CFAP299: variants seen among roughly 807,000 people sequenced by gnomAD.
CFAP299 encodes cilia- and flagella-associated protein 299.
In CFAP299, 21 loss-of-function variants were observed where a neutral mutation model predicts 27.0. That is an observed-to-expected ratio of 0.78 (90% confidence interval 0.55 to 1.12). The LOEUF (loss-of-function observed/expected upper bound fraction) is 1.12. Ranked by LOEUF, CFAP299 falls within the 50% of genes most tolerant of loss-of-function variation. The probability of loss-of-function intolerance (pLI) is 0.00; values close to 1 mark genes in which losing one functional copy is unlikely to be tolerated. For missense variants in CFAP299, 310 were observed against 276.6 expected (o/e 1.12, Z -0.86); for synonymous variants, 104 against 98.1 (o/e 1.06, Z -0.36).
At chr4:80,831,514 A>G (rs1307331450) in intron 3 of CFAP299, among the ~76,000 whole-genome samples, 1 of 152,076 alleles carries the variant, frequency 6.6e-6, no homozygotes, top group Non-Finnish European at 1.5e-5. Context: ...TTCTCACAAT[A>G]GGAGGGTAGA....
At chr4:80,767,332 G>T (rs2110081559) in intron 3 of CFAP299, among the ~76,000 whole-genome samples, 1 of 152,202 alleles carries the variant, frequency 6.6e-6, no homozygotes, top group Non-Finnish European at 1.5e-5. Flanking sequence ...GTACTAGGTG[G>T]GGCACGGTGG....
intron 4 of CFAP299, among the ~76,000 whole-genome samples, chr4:80,937,899 G>C (rs936946423): frequency 2.6e-5 from 4 of 151,880 alleles, no homozygotes; most frequent in Admixed American, 6.6e-5. Flanking sequence ...ATCTGCTACT[G>C]GTGTTTTGTT....
intron 2 of CFAP299, among the ~76,000 whole-genome samples, chr4:80,402,155 A>G (rs1278085309): frequency 1.3e-5 from 2 of 152,108 alleles, no homozygotes; most frequent in African/African-American, 4.8e-5. Flanking sequence ...GTCTCAGATG[A>G]GACTTTAGGC....
chr4:80,616,395 T>C (rs1738280622), intron 3 of CFAP299, among the ~76,000 whole-genome samples: 1 of 152,134 alleles, frequency 6.6e-6, no homozygotes, highest in Non-Finnish European at 1.5e-5. Context: ...TTTATATGTG[T>C]AATTTTTATA....
At chr4:80,586,955 C>T (rs994564253) in intron 3 of CFAP299, among the ~76,000 whole-genome samples, 1 of 152,088 alleles carries the variant, frequency 6.6e-6, no homozygotes, top group Non-Finnish European at 1.5e-5. Context: ...CAGAGTCATT[C>T]AAAGAAACCA....
intron 2 of CFAP299, among the ~76,000 whole-genome samples, chr4:80,394,711 T>C (rs1307151728): frequency 6.6e-6 from 1 of 152,154 alleles, no homozygotes; most frequent in Non-Finnish European, 1.5e-5. Context: ...TTCTTGGCAC[T>C]TTCTGCAAGG....
intron 1 of CFAP299, among the ~76,000 whole-genome samples, chr4:80,355,418 C>T (rs754932900): frequency 7.9e-6 from 1 of 126,746 alleles, no homozygotes; most frequent in Admixed American, 1.0e-4. Flanking sequence ...AATGCAGTGG[C>T]GCGATCTCGG....
At chr4:80,461,811 A>G (rs1344109483) in intron 2 of CFAP299, among the ~76,000 whole-genome samples, 1 of 152,096 alleles carries the variant, frequency 6.6e-6, no homozygotes, top group African/African-American at 2.4e-5. Context: ...TTTGCACTTC[A>G]CTATGAACTT....
intron 3 of CFAP299, among the ~76,000 whole-genome samples, chr4:80,828,409 A>C (rs1039541733): frequency 6.6e-6 from 1 of 152,074 alleles, no homozygotes; most frequent in Non-Finnish European, 1.5e-5. Flanking sequence ...ATGATTTTTC[A>C]CAAGAGTACC....
chr4:80,797,684 G>T (rs1482062452), intron 3 of CFAP299, among the ~76,000 whole-genome samples: 2 of 152,098 alleles, frequency 1.3e-5, no homozygotes, highest in Admixed American at 6.6e-5. Context: ...CAATTACAGG[G>T]CTCTTCAAAG....
chr4:80,350,544 C>A (rs1722964154), intron 1 of CFAP299, among the ~76,000 whole-genome samples: 1 of 152,098 alleles, frequency 6.6e-6, no homozygotes, highest in African/African-American at 2.4e-5. Context: ...CAAATGCCAC[C>A]AATGATATAC....
At chr4:80,386,622 C>CCT in intron 2 of CFAP299, 1 of 1,598,250 alleles carries the variant, frequency 6.3e-7, no homozygotes, top group Middle Eastern at 1.7e-4. Context: ...GCACAGCCAG[C>CCT]ATAGCGGAAC....
chr4:80,460,994 G>T (rs1729410249), intron 2 of CFAP299, among the ~76,000 whole-genome samples: 1 of 152,146 alleles, frequency 6.6e-6, no homozygotes. Flanking sequence ...CATGTAAGAT[G>T]TACATTGGTT....
intron 1 of CFAP299, among the ~76,000 whole-genome samples, chr4:80,339,214 G>T (rs1028978289): frequency 8.5e-5 from 13 of 152,168 alleles, no homozygotes; most frequent in African/African-American, 2.9e-4. Context: ...CTTCTTTTAT[G>T]CCAAATGGTG....
At chr4:80,342,436 A>G (rs1722502282) in intron 1 of CFAP299, among the ~76,000 whole-genome samples, 1 of 152,250 alleles carries the variant, frequency 6.6e-6, no homozygotes, top group South Asian at 2.1e-4. Context: ...CAGGTCACCT[A>G]CAAAGGGAAA....
At chr4:80,685,527 T>G (rs1720126848) in intron 3 of CFAP299, among the ~76,000 whole-genome samples, 1 of 151,096 alleles carries the variant, frequency 6.6e-6, no homozygotes, top group African/African-American at 2.4e-5. Context: ...AGTAAAGAGC[T>G]GTTTTTCATT....
chr4:80,824,041 T>C (rs1049834516), intron 3 of CFAP299, among the ~76,000 whole-genome samples: 7 of 152,186 alleles, frequency 4.6e-5, no homozygotes, highest in Non-Finnish European at 5.9e-5. Context: ...CCTCATTTGA[T>C]ATTTATTTGG....
chr4:80,933,548 TATTA>T (rs1736738243), intron 4 of CFAP299, among the ~76,000 whole-genome samples: 2 of 152,154 alleles, frequency 1.3e-5, no homozygotes, highest in Non-Finnish European at 2.9e-5. Flanking sequence ...CATTTTTAAA[TATTA>T]ATTATTCAAA....
intron 3 of CFAP299, among the ~76,000 whole-genome samples, chr4:80,599,835 A>G (rs913982248): frequency 6.6e-6 from 1 of 152,112 alleles, no homozygotes; most frequent in African/African-American, 2.4e-5. Context: ...TGCTTTTGTA[A>G]AGCATGCGAC....
Sources: gnomAD v4.1 joint callset for allele counts (sites outside exome capture counted in the v4.1 genomes callset) on GRCh38, gnomAD v4.1.1 for gene constraint, MANE v1.5 for transcripts, NCBI Gene and HGNC (gene_info 2026-07-23, HGNC 2026-07-21) for gene names.